LMLN: variants seen among roughly 807,000 people sequenced by gnomAD.
The protein encoded by LMLN is leishmanolysin like peptidase, also known as leishmanolysin-like peptidase.
Under a neutral mutation model 92.3 loss-of-function variants are expected in LMLN, and 70 were observed. The observed-to-expected ratio is 0.76, with a 90% CI of 0.63 to 0.92. The LOEUF (loss-of-function observed/expected upper bound fraction) is 0.92, where lower values mean the gene tolerates loss of function less well. Among genes scored for constraint, LMLN ranks in the 40% least tolerant of loss-of-function variants. The probability of loss-of-function intolerance (pLI) is 0.00; values close to 1 mark genes in which losing one functional copy is unlikely to be tolerated. For synonymous variants in LMLN, 308 were observed against 296.2 expected (o/e 1.04, Z -0.41); for missense variants, 691 against 814.6 (o/e 0.85, Z 1.85).
At chr3:198,021,383 C>A in intron 12 of LMLN, 63 bp from the exon 14 acceptor site, 2 of 1,483,476 alleles carry the variant, frequency 1.3e-6, no homozygotes, top group South Asian at 1.2e-5. Flanking sequence ...ATTGCCTGTG[C>A]ACTTCCTCAA....
chr3:197,970,968 T>TTC, intron 1 of LMLN, among the ~76,000 whole-genome samples: 1 of 152,326 alleles, frequency 6.6e-6, no homozygotes, highest in African/African-American at 2.4e-5. Context: ...GTGATCAGTT[T>TTC]TCTCAGATGT....
chr3:198,035,519 C>T (rs1022650081), intron 14 of LMLN, among the ~76,000 whole-genome samples: 4 of 151,842 alleles, frequency 2.6e-5, no homozygotes, highest in African/African-American at 4.8e-5. Flanking sequence ...CATGACACCA[C>T]GCCCAGCTAG....
At chr3:198,028,962 C>T (rs1723006532) in intron 14 of LMLN, among the ~76,000 whole-genome samples, 1 of 152,308 alleles carries the variant, frequency 6.6e-6, no homozygotes, top group African/African-American at 2.4e-5. Flanking sequence ...AGCCCCATGT[C>T]TGAACTGGCT....
chr3:198,001,343 C>A (rs1722166388), intron 11 of LMLN, among the ~76,000 whole-genome samples: 2 of 152,166 alleles, frequency 1.3e-5, no homozygotes. Context: ...ACAGAAAGAG[C>A]TGCAAAGAAA....
rs140351714 is a variant in LMLN at position 197,998,123 on chromosome 3, C to T, written c.1156-1143C>T. On this transcript the variant is annotated intron_variant, in intron 10 of 15. Transcript: ENST00000330198. ...GCAGTGGAAGGGCTGTCATCTGTGC[C>T]TCTCTCCCTCCCCATGCAGCTCAAG... 1.8e-3 allele frequency among the ~76,000 whole-genome samples: 267 copies of T among 152,332 alleles called. 2 individuals are homozygous for T. Among genetic ancestry groups the T allele is most frequent in the African/African-American group, 6.1e-3 (252 of 41,578 alleles).
chr3:198,021,049 A>G (rs1176809881), intron 12 of LMLN, among the ~76,000 whole-genome samples: 1 of 152,078 alleles, frequency 6.6e-6, no homozygotes, highest in African/African-American at 2.4e-5. Context: ...AAGTTTGTCA[A>G]AACAACGTAT....
intron 11 of LMLN, among the ~76,000 whole-genome samples, chr3:198,018,286 A>C (rs527374791): frequency 6.6e-6 from 1 of 152,366 alleles, no homozygotes; most frequent in Non-Finnish European, 1.5e-5. Context: ...TTATCATGGG[A>C]AGTTAAAATA....
intron 1 of LMLN, among the ~76,000 whole-genome samples, chr3:197,967,400 C>G (rs1029579893): frequency 6.6e-6 from 1 of 152,094 alleles, no homozygotes; most frequent in African/African-American, 2.4e-5. Flanking sequence ...GCCTGAGCCG[C>G]AAAAGCAGCA....
chr3:198,013,658 G>GT (rs1722521187), intron 11 of LMLN, among the ~76,000 whole-genome samples: 1 of 130,946 alleles, frequency 7.6e-6, no homozygotes, highest in African/African-American at 3.5e-5. Context: ...ACCCTTCAGA[G>GT]CCCCCTAACT....
At chr3:197,964,547 C>T (rs145678402) in intron 1 of LMLN, among the ~76,000 whole-genome samples, 5,631 of 151,556 alleles carry the variant, frequency 0.037, 319 homozygotes, top group African/African-American at 0.13. Context: ...TACAGGTGCA[C>T]GCCACCACAC....
intron 8 of LMLN, among the ~76,000 whole-genome samples, chr3:197,989,069 G>A (rs763923493): frequency 6.6e-6 from 1 of 152,130 alleles, no homozygotes; most frequent in Non-Finnish European, 1.5e-5. Flanking sequence ...TATAGTTAGA[G>A]CATGTTTTTA....
At chr3:197,990,750 C>G in intron 9 of LMLN, 74 bp downstream of exon 9, 2 of 700,378 alleles carry the variant, frequency 2.9e-6, no homozygotes, top group Non-Finnish European at 2.5e-6. Flanking sequence ...CTTTACTCAT[C>G]ATTATTGTTT....
At chr3:197,994,906 G>T (rs551256912) in intron 9 of LMLN, among the ~76,000 whole-genome samples, 1 of 152,212 alleles carries the variant, frequency 6.6e-6, no homozygotes, top group Non-Finnish European at 1.5e-5. Context: ...TTGCACTCCT[G>T]TGTTGACTGC....
chr3:197,984,554 A>G (rs1319256558), intron 7 of LMLN, among the ~76,000 whole-genome samples: 2 of 151,790 alleles, frequency 1.3e-5, no homozygotes, highest in African/African-American at 4.8e-5. Flanking sequence ...CCTGGGCTCA[A>G]GTGATCCCAC....
exon 7 of LMLN, chr3:197,983,956 T>C (rs1721628776): frequency 6.2e-7 from 1 of 1,610,302 alleles, no homozygotes; most frequent in Non-Finnish European, 8.5e-7. Flanking sequence ...AATAGCAGGA[T>C]ATGCTAACCT....
chr3:197,974,969 TA>T (rs1279764340), intron 2 of LMLN, 72 bp from the exon 3 acceptor site: 6 of 1,011,652 alleles, frequency 5.9e-6, no homozygotes, highest in Non-Finnish European at 9.2e-6. Context: ...TGCCCATTTT[TA>T]TGGTTATTTC....
intron 1 of LMLN, among the ~76,000 whole-genome samples, chr3:197,973,567 G>T (rs1238616208): frequency 2.6e-5 from 4 of 151,990 alleles, no homozygotes; most frequent in African/African-American, 9.7e-5. Flanking sequence ...GTTTTTTAAG[G>T]GCCATAAAAT....
intron 14 of LMLN, among the ~76,000 whole-genome samples, chr3:198,030,246 G>A (rs189098613): frequency 1.7e-3 from 264 of 152,214 alleles, no homozygotes; most frequent in Middle Eastern, 3.4e-3. Context: ...GGTTCGCCTC[G>A]TCCTCTTGCT....
rs1271959322 is a variant in LMLN at position 198,042,164 on chromosome 3, A to C, written c.*3497A>C. On this transcript the variant is annotated 3_prime_UTR_variant, in exon 16 of 16. Transcript: ENST00000330198. The surrounding 1 kb of genome is among the most constrained non-coding windows in gnomAD (Gnocchi z 4.2). ...ATTTTACTCATCATTGATTCTGCAT[A>C]GTGTACCCAGCAAGACTTAGAAGGA... 2.0e-5 allele frequency: 3 copies of C among 152,182 alleles called. No homozygotes were observed. The highest frequency in any genetic ancestry group is 7.2e-5 in the African/African-American group (3 of 41,438). 9.4% of individuals were successfully genotyped at this position (152,182 alleles called of 1,614,324 possible).
Sources: allele counts gnomAD v4.1 joint callset (sites outside exome capture counted in the v4.1 genomes callset), GRCh38; gene constraint gnomAD v4.1.1; non-coding constraint Gnocchi (gnomAD v3.1); transcripts MANE v1.5; gene names NCBI Gene and HGNC (gene_info 2026-07-23, HGNC 2026-07-21).